Variants in ARL10 observed in about 807,000 individuals in gnomAD.
ARL10 encodes the protein ARF like GTPase 10, also known as ADP-ribosylation factor-like protein 10.
ARL10 carries 23 observed loss-of-function variants against 26.1 expected under a neutral mutation model. The ratio of observed to expected loss-of-function variants is 0.88; its 90% CI spans 0.63 to 1.25. ARL10 has a LOEUF of 1.25. Ranked by LOEUF, ARL10 falls within the 50% of genes most tolerant of loss-of-function variation. The pLI is 0.00. For synonymous variants in ARL10, 138 were observed against 149.1 expected, an observed-to-expected ratio of 0.93 and a Z score of 0.54; for missense variants, 300 against 323.6, an observed-to-expected ratio of 0.93 and a Z score of 0.56.
At chr5:176,396,434 T>C in intron 1 of ARL10, 14 of 1,528,300 alleles carry the variant, frequency 9.2e-6, no homozygotes, top group Non-Finnish European at 1.3e-5. Context: ...GTGGTGGCCA[T>C]TCCCTCTCTA....
downstream of ARL10, among the ~76,000 whole-genome samples, chr5:176,382,557 A>C (rs1180488936): frequency 1.3e-5 from 2 of 152,182 alleles, no homozygotes; most frequent in Non-Finnish European, 2.9e-5. Flanking sequence ...CTTTGTTCTT[A>C]AGTAACTCAG....
At chr5:176,410,232 A>T in the ARL10 span, 1 of 1,611,292 alleles carries the variant, frequency 6.2e-7, no homozygotes, top group Non-Finnish European at 8.5e-7. Context: ...GGTCCTTACC[A>T]CTGCTGAGAC....
In ARL10 at chr5:176,366,596, T is replaced by C. The variant is rs1232913347; in HGVS notation, c.385+15T>C. The C allele has an allele frequency of 1.2e-6, 2 of 1,612,862 alleles. No homozygotes were observed. The highest frequency in any genetic ancestry group is 1.7e-6 in the Non-Finnish European group (2 of 1,179,606). ...CCTGCTAGAAAGTGAGCGGACACCC[T>C]ACCCCATCTCCCCGTCTCCTCTACT... On this transcript the variant is annotated intron_variant, in intron 2 of 3. Coordinates refer to ENST00000310389, the MANE Select transcript of ARL10 (RefSeq NM_173664.6).
At chr5:176,390,873 G>A (rs1176648049), downstream of ARL10, among the ~76,000 whole-genome samples, 3 of 152,214 alleles carry the variant, frequency 2.0e-5, no homozygotes, top group Non-Finnish European at 2.9e-5. Flanking sequence ...GAGGGTTCTG[G>A]AAGAGGAGGC....
rs1768621953 is a variant in ARL10 at position 176,374,021 on chromosome 5, A to C, written c.*2126A>C. 6.6e-6 allele frequency: 1 copy of C among 152,180 alleles called. No homozygotes were observed. The highest frequency in any genetic ancestry group is 2.1e-4 in the South Asian group (1 of 4,830). 9.4% of individuals were successfully genotyped at this position (152,180 alleles called of 1,614,324 possible). A position where few individuals can be genotyped will look rare whatever the true frequency, so the allele number is the denominator to read the frequency against. ...CTACATTTATAGCCAGAGAAACGAA[A>C]ATAACTTAGGTTGCCTGATTGGCTG... On this transcript the variant is annotated 3_prime_UTR_variant, in exon 4 of 4. Transcript: ENST00000310389.
chr5:176,372,072 G>A lies in ARL10; in HGVS notation c.*177G>A. The A allele has an allele frequency of 7.0e-7, 1 of 1,429,424 alleles. No homozygotes were observed. The allele number at this position is 1,429,424 out of a possible 1,614,324, so 88.5% of individuals were successfully genotyped here. A position where few individuals can be genotyped will look rare whatever the true frequency, so the allele number is the denominator to read the frequency against. ...AGAACCATGCAGAAGCCTTCCTGGT[G>A]AGGTGGCCGTGAAGCCGAAGCAGGG... On this transcript the variant is annotated 3_prime_UTR_variant, in exon 4 of 4. Coordinates refer to ENST00000310389, the MANE Select transcript of ARL10 (RefSeq NM_173664.6).
chr5:176,387,080 T>G (rs145452468), intron 1 of ARL10: 1 of 567,404 alleles, frequency 1.8e-6, no homozygotes, highest in African/African-American at 1.9e-5. Flanking sequence ...CTCTCTCTCT[T>G]TTTTTTTTTC....
chr5:176,391,507 G>A (rs1756262237), downstream of ARL10, among the ~76,000 whole-genome samples: 3 of 152,224 alleles, frequency 2.0e-5, no homozygotes, highest in Non-Finnish European at 4.4e-5. Context: ...AGCTACCTGA[G>A]AGGCTGAGGT....
rs1756459658 is a variant in ARL10 at position 176,395,125 on chromosome 5, T to C, written c.134-6616T>C. 4.0e-5 allele frequency among the ~76,000 whole-genome samples: 6 copies of C among 151,092 alleles called. No homozygotes were observed. The South Asian group carries it at 1.3e-3, about 32-fold the overall frequency. On this transcript the variant is annotated intron_variant, in intron 1 of 1. Coordinates refer to the ARL10 transcript ENST00000514533. Reference sequence around the variant, plus strand: ...CCACCATCCCCACCATCCCAGCCTGTAGAGCTTCAGCCACTGCAGCCAGCT... The same window carrying C: ...CCACCATCCCCACCATCCCAGCCTGCAGAGCTTCAGCCACTGCAGCCAGCT...
In ARL10 at chr5:176,381,443, A is replaced by G. The variant is rs186400957; in HGVS notation, c.*9548A>G. 241 of 152,328 alleles carry G rather than the reference A, an allele frequency of 1.6e-3. No homozygotes were observed. The highest frequency in any genetic ancestry group is 5.5e-3 in the African/African-American group (228 of 41,568). 9.4% of individuals were successfully genotyped at this position (152,328 alleles called of 1,614,324 possible). On this transcript the variant is annotated 3_prime_UTR_variant, in exon 4 of 4. Coordinates refer to ENST00000310389, the MANE Select transcript of ARL10 (RefSeq NM_173664.6). ...TGTTAAAAGAAAAATTTTATAGACA[A>G]GTTAACTTTAACAGAGCAGAAAAGG...
In ARL10 at chr5:176,365,881, G is replaced by C. The variant is rs1768275945; in HGVS notation, c.183+135G>C. 4 of 984,084 alleles carry C rather than the reference G, an allele frequency of 4.1e-6. No individual in the cohort carries two copies. The East Asian group carries it at 1.3e-4, about 33-fold the overall frequency. The allele number at this position is 984,084 out of a possible 1,614,324, so 61.0% of individuals were successfully genotyped here. ...GGGGGTCGAGGGCTTGGCAGCCGCA[G>C]CGCACAGGCCCCGCGCGGGTGGGCG... is the stretch of plus-strand genomic sequence containing the variant. On this transcript the variant is annotated intron_variant, in intron 1 of 3. Transcript: ENST00000310389.
At chr5:176,399,745 A>C (rs956462951) in intron 1 of ARL10, among the ~76,000 whole-genome samples, 1 of 150,860 alleles carries the variant, frequency 6.6e-6, no homozygotes, top group African/African-American at 2.4e-5. Context: ...AATACAAAAA[A>C]TTAGCCAGGT....
chr5:176,400,249 C>T (rs535312577), intron 1 of ARL10, among the ~76,000 whole-genome samples: 38 of 151,830 alleles, frequency 2.5e-4, no homozygotes, highest in African/African-American at 9.2e-4. Context: ...ATATTAAGAA[C>T]ACCTCTAAGA....
At chr5:176,404,416 G>A (rs1043530436), downstream of ARL10, among the ~76,000 whole-genome samples, 23 of 152,216 alleles carry the variant, frequency 1.5e-4, no homozygotes, top group African/African-American at 4.8e-4. Context: ...TTGGGGCAGC[G>A]GAGCGGAGCC....
chr5:176,412,047 G>A, the ARL10 span, among the ~76,000 whole-genome samples: 1 of 151,960 alleles, frequency 6.6e-6, no homozygotes, highest in Non-Finnish European at 1.5e-5. Context: ...GTGGTGGCAG[G>A]CGCCTGTAGT....
chr5:176,395,371 G>T (rs1414971006), intron 1 of ARL10, among the ~76,000 whole-genome samples: 3 of 152,210 alleles, frequency 2.0e-5, no homozygotes, highest in African/African-American at 7.2e-5. Flanking sequence ...AGCACGGTGA[G>T]GGGGGCGGCC....
At chr5:176,408,898 T>C in the ARL10 span, among the ~76,000 whole-genome samples, 116 of 152,378 alleles carry the variant, frequency 7.6e-4, no homozygotes, top group African/African-American at 2.6e-3. Context: ...GCCCCTTTCT[T>C]ATCCCCATCC....
chr5:176,401,336 G>A lies in ARL10; in HGVS notation c.134-405G>A, dbSNP rs1422195221. 3.9e-5 allele frequency among the ~76,000 whole-genome samples: 6 copies of A among 152,206 alleles called. No individual in the cohort carries two copies. In the South Asian group the frequency reaches 1.2e-3, roughly 32 times the overall value. ...ATCTGAAATGACTTGAGAGGTCAGAGAAGTTGGAAATAAAAATAAAAATAC... is the reference window on the plus strand; with the variant it reads ...ATCTGAAATGACTTGAGAGGTCAGAAAAGTTGGAAATAAAAATAAAAATAC... On this transcript the variant is annotated intron_variant, in intron 1 of 1. Transcript: ENST00000514533.
At position 176,375,335 on chromosome 5, in the gene ARL10, T is replaced by TCCATCCATC. The variant is rs56310724; in HGVS notation, c.*3441_*3442insCATCCATCC. 2.7e-4 allele frequency: 11 copies of TCCATCCATC among 40,746 alleles called. 1 individual carries two copies. Among genetic ancestry groups the TCCATCCATC allele is most frequent in the African/African-American group, 8.4e-4 (11 of 13,148 alleles). 2.5% of individuals were successfully genotyped at this position (40,746 alleles called of 1,614,324 possible). A position where few individuals can be genotyped will look rare whatever the true frequency, so the allele number is the denominator to read the frequency against. On this transcript the variant is annotated 3_prime_UTR_variant, in exon 4 of 4. Transcript: ENST00000310389. ...ATCCATCCATCCATCCATCCATCCA[T>TCCATCCATC]CATCCACCCATCCATCCATCCATCC...
Sources: gnomAD v4.1 joint callset for allele counts (sites outside exome capture counted in the v4.1 genomes callset) on GRCh38, gnomAD v4.1.1 for gene constraint, MANE v1.5 for transcripts, NCBI Gene and HGNC (gene_info 2026-07-23, HGNC 2026-07-21) for gene names.